The following PTPN3 variants were observed in gnomAD, a reference collection of about 807,000 sequenced individuals.
PTPN3 encodes protein tyrosine phosphatase non-receptor type 3.
Under a neutral mutation model 132.7 loss-of-function variants are expected in PTPN3, and 96 were observed. That is an observed-to-expected ratio of 0.72 (90% CI 0.61 to 0.86). The LOEUF is 0.86. Ranked by LOEUF, PTPN3 falls within the 40% of genes least tolerant of loss-of-function variation. The pLI is 0.00. For missense variants in PTPN3, 1,125 were observed against 1,159.6 expected (o/e 0.97, Z 0.43); for synonymous variants, 398 against 429.0 (o/e 0.93, Z 0.89).
In PTPN3 at chr9:109,436,934, G is replaced by A. The variant is rs1377742078; in HGVS notation, c.624C>T (p.Ile208=). 1 of 1,613,982 alleles carries A rather than the reference G, an allele frequency of 6.2e-7. No individual in the cohort carries two copies. Among genetic ancestry groups the A allele is most frequent in the Non-Finnish European group, 8.5e-7 (1 of 1,179,994 alleles). The change falls in exon 9 of 26, where the codon ATC becomes ATT. Residue 208 remains isoleucine (I), a synonymous_variant. Coordinates refer to ENST00000374541, the MANE Select transcript of PTPN3 (RefSeq NM_002829.4). ...LKQSEAESCY[I]NIARTLDFYG... ...AGAAGTCGAGGGTCCGCGCTATGTTGATATAGCAGGATTCTGCTTCTGATT... is the reference window on the plus strand; with the variant it reads ...AGAAGTCGAGGGTCCGCGCTATGTTAATATAGCAGGATTCTGCTTCTGATT...
chr9:109,433,366 C>A (rs1843797044), intron 9 of PTPN3, among the ~76,000 whole-genome samples: 1 of 152,182 alleles, frequency 6.6e-6, no homozygotes, highest in Non-Finnish European at 1.5e-5. Context: ...GTGAACACAG[C>A]CTGTCAAGCA....
chr9:109,498,372 G>C (rs1428300002), upstream of PTPN3: 1 of 146,696 alleles, frequency 6.8e-6, no homozygotes, highest in Non-Finnish European at 1.5e-5. This position sits in a 1 kb window ranked among gnomAD's most constrained non-coding sequence, Gnocchi z 4.2. Context: ...GGGCCCGCGC[G>C]CCGGGCGGGG....
chr9:109,524,776 C>T, the PTPN3 span, among the ~76,000 whole-genome samples: 16 of 152,250 alleles, frequency 1.1e-4, no homozygotes, highest in South Asian at 1.0e-3. Flanking sequence ...CTCGCTCTGT[C>T]GCCCAGTCTG....
At chr9:109,414,594 T>C (rs1264238581) in intron 14 of PTPN3, among the ~76,000 whole-genome samples, 1 of 152,208 alleles carries the variant, frequency 6.6e-6, no homozygotes, top group Non-Finnish European at 1.5e-5. Flanking sequence ...GGGGCTGTAA[T>C]AAATGCCAAG....
intron 14 of PTPN3, among the ~76,000 whole-genome samples, chr9:109,415,088 A>G (rs796824324): frequency 4.9e-4 from 42 of 86,314 alleles, no homozygotes; most frequent in South Asian, 2.8e-3. Flanking sequence ...CCATCCATCC[A>G]TCCATCCATC....
In PTPN3 at chr9:109,439,568, A is replaced by G. The variant is rs1232049574; in HGVS notation, c.467-1334T>C. On this transcript the variant is annotated intron_variant, in intron 7 of 25. Transcript: ENST00000374541. ...ACTTTGTGGCCAATCTCAGAAGGGA[A>G]GTGGGTGAGACAGGTAGCTGCTTGG... Among the ~76,000 whole-genome samples the G allele has an allele frequency of 3.3e-5, 5 of 152,216 alleles. No homozygotes were observed. In the East Asian group the frequency reaches 9.6e-4, roughly 29 times the overall value.
chr9:109,529,733 G>T, the PTPN3 span, among the ~76,000 whole-genome samples: 1 of 152,112 alleles, frequency 6.6e-6, no homozygotes, highest in African/African-American at 2.4e-5. Context: ...TCACATTGTT[G>T]TGCAACCATC....
At chr9:109,496,095 CAT>C (rs1847656008) in intron 1 of PTPN3, among the ~76,000 whole-genome samples, 1 of 152,206 alleles carries the variant, frequency 6.6e-6, no homozygotes. Flanking sequence ...GTCTAATTTG[CAT>C]ATATGAGTCC....
chr9:109,534,884 G>C, the PTPN3 span, among the ~76,000 whole-genome samples: 1 of 152,200 alleles, frequency 6.6e-6, no homozygotes, highest in Non-Finnish European at 1.5e-5. Flanking sequence ...CTAAAATTGA[G>C]ACTAAGAAAA....
chr9:109,478,447 C>T (rs1301455300), intron 1 of PTPN3, among the ~76,000 whole-genome samples: 2 of 152,166 alleles, frequency 1.3e-5, no homozygotes, highest in East Asian at 1.9e-4. Context: ...TGACTTCTCA[C>T]TAGCAGAGCT....
chr9:109,420,083 A>G (rs1007664208), intron 14 of PTPN3, among the ~76,000 whole-genome samples: 1 of 152,238 alleles, frequency 6.6e-6, no homozygotes, highest in Non-Finnish European at 1.5e-5. Context: ...CAGAGTTAGC[A>G]TGGCCCTAGA....
chr9:109,403,151 C>T (rs144513406), intron 19 of PTPN3, among the ~76,000 whole-genome samples: 3 of 152,254 alleles, frequency 2.0e-5, no homozygotes, highest in African/African-American at 7.2e-5. Flanking sequence ...TACTTTTTGG[C>T]TTGTGGATTT....
intron 1 of PTPN3, among the ~76,000 whole-genome samples, chr9:109,470,118 A>G (rs1846303750): frequency 6.6e-6 from 1 of 152,142 alleles, no homozygotes; most frequent in African/African-American, 2.4e-5. Flanking sequence ...TAGCATGGAA[A>G]AGTACATGTA....
intron 1 of PTPN3, among the ~76,000 whole-genome samples, chr9:109,494,601 C>T (rs1052535398): frequency 1.3e-5 from 2 of 152,204 alleles, no homozygotes; most frequent in Admixed American, 1.3e-4. Flanking sequence ...GAACTAACTT[C>T]TCCCCATGGT....
At chr9:109,489,284 G>C (rs1588506932) in intron 1 of PTPN3, among the ~76,000 whole-genome samples, 1 of 152,210 alleles carries the variant, frequency 6.6e-6, no homozygotes, top group Non-Finnish European at 1.5e-5. Flanking sequence ...CAAAAGGCCG[G>C]TGTGGCAGGC....
intron 14 of PTPN3, among the ~76,000 whole-genome samples, chr9:109,413,608 G>T (rs1471574726): frequency 6.6e-6 from 1 of 152,160 alleles, no homozygotes; most frequent in East Asian, 1.9e-4. Context: ...GATGCAAGAA[G>T]ATGGTGAGGA....
chr9:109,469,086 C>G (rs1421338637), intron 1 of PTPN3, among the ~76,000 whole-genome samples: 1 of 152,200 alleles, frequency 6.6e-6, no homozygotes, highest in Non-Finnish European at 1.5e-5. Flanking sequence ...ACACCCTGGG[C>G]CCATGAGACA....
chr9:109,491,155 C>T (rs967687106), intron 1 of PTPN3, among the ~76,000 whole-genome samples: 2 of 150,940 alleles, frequency 1.3e-5, no homozygotes, highest in Non-Finnish European at 2.9e-5. Context: ...GAGATCACAC[C>T]ACTGCACTCC....
intron 11 of PTPN3, 33 bp from the exon 12 acceptor site, chr9:109,427,155 A>G (rs1051757474): frequency 1.9e-6 from 3 of 1,607,844 alleles, no homozygotes; most frequent in Non-Finnish European, 2.6e-6. Flanking sequence ...TTTCACCCAC[A>G]CAGACATAGG....
Sources: gnomAD v4.1 joint callset for allele counts (sites outside exome capture counted in the v4.1 genomes callset) on GRCh38, gnomAD v4.1.1 for gene constraint, Gnocchi (gnomAD v3.1) non-coding constraint, MANE v1.5 for transcripts, NCBI Gene and HGNC (gene_info 2026-07-23, HGNC 2026-07-21) for gene names.